The following POU6F2 variants were observed in gnomAD, a reference collection of about 807,000 sequenced individuals.
The protein encoded by POU6F2 is POU domain, class 6, transcription factor 2.
Under a neutral mutation model 71.3 loss-of-function variants are expected in POU6F2, and 31 were observed. The observed-to-expected ratio is 0.43, with a 90% CI of 0.33 to 0.59. The LOEUF (loss-of-function observed/expected upper bound fraction) is 0.59. Among genes scored for constraint, POU6F2 ranks in the 20% least tolerant of loss-of-function variants. The pLI is 0.04. For synonymous variants in POU6F2, 347 were observed against 355.7 expected (o/e 0.98, Z 0.27); for missense variants, 783 against 856.8 (o/e 0.91, Z 1.07).
Position 39,339,948 on chromosome 7 carries a change from C to T in POU6F2, c.905C>T (p.Pro302Leu), listed in dbSNP as rs144939808. The part of the protein sequence containing the change: ...PSPTQQSSSP[P>L]QKPSQSPGHG... Reference sequence around the variant, plus strand: ...CCAACCCAGCAGAGCTCCAGCCCCCCGCAGAAACCTAGTCAGTCTCCAGGA... The same window carrying T: ...CCAACCCAGCAGAGCTCCAGCCCCCTGCAGAAACCTAGTCAGTCTCCAGGA... Residue 302 changes from proline (P) to leucine (L), a missense_variant, in exon 5 of 10, where the codon CCG becomes CTG. This residue lies in a region of POU6F2 where 572 missense variants were observed against 572.9 expected (regional missense o/e 1.00). Coordinates refer to ENST00000518318, the MANE Select transcript of POU6F2 (RefSeq NM_001370959.1). The T allele has an allele frequency of 7.9e-4, 1,268 of 1,613,964 alleles. 5 individuals are homozygous for T. The highest frequency in any genetic ancestry group is 9.9e-4 in the Non-Finnish European group (1,171 of 1,179,868).
At chr7:39,021,389 A>T (rs1230844694) in intron 1 of POU6F2, among the ~76,000 whole-genome samples, 2 of 151,950 alleles carry the variant, frequency 1.3e-5, no homozygotes. Context: ...TAATGGCAAG[A>T]TCGAAACTCT....
chr7:39,273,205 T>G (rs1457563889), intron 4 of POU6F2, among the ~76,000 whole-genome samples: 3 of 151,962 alleles, frequency 2.0e-5, no homozygotes, highest in Non-Finnish European at 2.9e-5. Context: ...TTCCCTACCC[T>G]CCCCCTTGCC....
chr7:39,252,427 C>G (rs1262441774), intron 4 of POU6F2, among the ~76,000 whole-genome samples: 1 of 151,906 alleles, frequency 6.6e-6, no homozygotes, highest in African/African-American at 2.4e-5. Flanking sequence ...CACACACACA[C>G]ACACACACAC....
intron 6 of POU6F2, among the ~76,000 whole-genome samples, chr7:39,419,957 G>T (rs898831003): frequency 3.9e-5 from 6 of 152,188 alleles, no homozygotes; most frequent in African/African-American, 1.4e-4. Flanking sequence ...ACAAAATGTT[G>T]TAATTTATTT....
chr7:39,332,998 G>C (rs1379002175), intron 4 of POU6F2, among the ~76,000 whole-genome samples: 1 of 152,060 alleles, frequency 6.6e-6, no homozygotes, highest in Non-Finnish European at 1.5e-5. Context: ...AGGCCTAGAT[G>C]GGGTTATTCT....
chr7:39,339,556 C>T, intron 4 of POU6F2, 86 bp from the exon 5 acceptor site: 1 of 1,457,576 alleles, frequency 6.9e-7, no homozygotes, highest in Middle Eastern at 1.8e-4. Flanking sequence ...GGAAACCCTT[C>T]TCCACTTGCA....
At position 39,207,556 on chromosome 7, in the gene POU6F2, C is replaced by A. The variant is rs1246097541; in HGVS notation, c.534C>A (p.Ile178=). The A allele has an allele frequency of 1.9e-6, 3 of 1,614,046 alleles. No individual in the cohort carries two copies. In the South Asian group the frequency reaches 3.3e-5, roughly 18 times the overall value. ...TGCCAACAGCGAATCTCACCAACAT[C>A]CAAGGGCTGGTGGCAGCAGCTGCAG... ...LTLPTANLTN[I]QGLVAAAAAG... is the part of the protein sequence containing the mutation. The change falls in exon 4 of 10, where the codon ATC becomes ATA. Residue 178 remains isoleucine (I), a synonymous_variant. Coordinates refer to ENST00000518318, the MANE Select transcript of POU6F2 (RefSeq NM_001370959.1).
intron 2 of POU6F2, among the ~76,000 whole-genome samples, chr7:39,099,909 A>G (rs1185841975): frequency 1.3e-5 from 2 of 152,194 alleles, no homozygotes; most frequent in East Asian, 1.9e-4. Flanking sequence ...CTGAACGTTA[A>G]GATCTCTTTT....
chr7:39,214,485 C>T (rs1017859441), intron 4 of POU6F2, among the ~76,000 whole-genome samples: 34 of 152,154 alleles, frequency 2.2e-4, no homozygotes, highest in African/African-American at 4.8e-5. Flanking sequence ...CTGTAGCCAT[C>T]GAGGGCAAGG....
intron 5 of POU6F2, among the ~76,000 whole-genome samples, chr7:39,379,572 T>C (rs778854981): frequency 6.6e-6 from 1 of 152,228 alleles, no homozygotes; most frequent in Non-Finnish European, 1.5e-5. Flanking sequence ...GCATGACTCA[T>C]TACTAAATGC....
intron 6 of POU6F2, among the ~76,000 whole-genome samples, chr7:39,429,569 G>GT (rs1435068013): frequency 6.6e-6 from 1 of 152,112 alleles, no homozygotes; most frequent in Non-Finnish European, 1.5e-5. Flanking sequence ...TTGACACAGT[G>GT]TTTACAGAGA....
chr7:38,979,486 T>C (rs1788261481), intron 1 of POU6F2, among the ~76,000 whole-genome samples: 1 of 152,172 alleles, frequency 6.6e-6, no homozygotes, highest in African/African-American at 2.4e-5. Flanking sequence ...GACAGAGAAA[T>C]ATTTTTTAAA....
rs150380678 is a variant in POU6F2, at chr7:38,994,027, G to T, written c.105+15969G>T. 4.9e-4 allele frequency among the ~76,000 whole-genome samples: 75 copies of T among 152,178 alleles called. 1 individual carries two copies. The highest frequency in any genetic ancestry group is 1.7e-3 in the African/African-American group (69 of 41,538). On this transcript the variant is annotated intron_variant, in intron 1 of 9. Transcript: ENST00000518318. ...TCAAAAAGTCTGAGGCTAATAAAAA[G>T]GCGAACCCGTCAATTTTGTTAGTGC... is the stretch of plus-strand genomic sequence containing the variant.
At chr7:39,019,650 T>G (rs553106175) in intron 1 of POU6F2, among the ~76,000 whole-genome samples, 1 of 87,992 alleles carries the variant, frequency 1.1e-5, no homozygotes, top group Non-Finnish European at 2.6e-5. Flanking sequence ...TTCTTTTTTC[T>G]TTTTTTTTTT....
At chr7:39,137,307 G>C (rs572170922) in intron 2 of POU6F2, among the ~76,000 whole-genome samples, 1 of 151,996 alleles carries the variant, frequency 6.6e-6, no homozygotes, top group East Asian at 1.9e-4. Context: ...AAGAAGCCAG[G>C]TACACACACC....
Position 39,464,836 on chromosome 7 carries a change from C to T in POU6F2, c.*150C>T, listed in dbSNP as rs981754213. The T allele has an allele frequency of 3.1e-5, 31 of 1,010,690 alleles. No homozygotes were observed. Among genetic ancestry groups the T allele is most frequent in the Non-Finnish European group, 4.3e-5 (31 of 714,240 alleles). 62.6% of individuals were successfully genotyped at this position (1,010,690 alleles called of 1,614,324 possible). A position where few individuals can be genotyped will look rare whatever the true frequency, so the allele number is the denominator to read the frequency against. On this transcript the variant is annotated 3_prime_UTR_variant, in exon 10 of 10. Transcript: ENST00000518318. This position sits in a 1 kb window ranked among gnomAD's most constrained non-coding sequence, Gnocchi z 4.1. ...TGTAAGTAAATGACTAAGAAAACTA[C>T]CAAGTGGACAGAATGGTTTCTACAT...
At chr7:39,310,619 A>T (rs1487564248) in intron 4 of POU6F2, among the ~76,000 whole-genome samples, 1 of 152,254 alleles carries the variant, frequency 6.6e-6, no homozygotes, top group Non-Finnish European at 1.5e-5. Context: ...GTACTTTGTG[A>T]TGCTAACAAA....
intron 5 of POU6F2, among the ~76,000 whole-genome samples, chr7:39,360,755 A>C (rs1347544853): frequency 6.6e-6 from 1 of 152,232 alleles, no homozygotes; most frequent in Non-Finnish European, 1.5e-5. Context: ...TGATATGCTA[A>C]ACAAGGGGTG....
At chr7:39,135,597 A>T (rs1792374008) in intron 2 of POU6F2, among the ~76,000 whole-genome samples, 1 of 151,986 alleles carries the variant, frequency 6.6e-6, no homozygotes, top group Non-Finnish European at 1.5e-5. Context: ...AATAAAATTG[A>T]ATATCTATTC....
Sources: allele counts gnomAD v4.1 joint callset (sites outside exome capture counted in the v4.1 genomes callset), GRCh38; gene constraint gnomAD v4.1.1; regional missense constraint gnomAD v4.1.1; non-coding constraint Gnocchi (gnomAD v3.1); transcripts MANE v1.5; gene names NCBI Gene and HGNC (gene_info 2026-07-23, HGNC 2026-07-21).